Variants in CSMD3 observed in about 807,000 individuals in gnomAD.
CSMD3 encodes the protein CUB and Sushi multiple domains 3, also known as CUB and sushi domain-containing protein 3.
Under a neutral mutation model 435.2 loss-of-function variants are expected in CSMD3, and 177 were observed. That is an observed-to-expected ratio of 0.41 (90% CI 0.36 to 0.46). CSMD3 has a LOEUF of 0.46. Ranked by LOEUF, CSMD3 falls within the 20% of genes least tolerant of loss-of-function variation. CSMD3 has a pLI of 0.34. For missense variants in CSMD3, 4,265 were observed against 4,504.6 expected (o/e 0.95, Z 1.52); for synonymous variants, 1,656 against 1,520.5 (o/e 1.09, Z -2.07).
At chr8:112,699,650 A>G (rs905712769) in intron 13 of CSMD3, among the ~76,000 whole-genome samples, 1 of 152,216 alleles carries the variant, frequency 6.6e-6, no homozygotes, top group African/African-American at 2.4e-5. Context: ...TAATGATCGC[A>G]TAGGACGTAT....
At chr8:113,018,231 T>G in intron 6 of CSMD3, among the ~76,000 whole-genome samples, 1 of 152,046 alleles carries the variant, frequency 6.6e-6, no homozygotes, top group East Asian at 1.9e-4. Context: ...AATTAATTGT[T>G]GAATTTTGTA....
intron 11 of CSMD3, among the ~76,000 whole-genome samples, chr8:112,841,793 C>A (rs1010854700): frequency 2.0e-5 from 3 of 151,744 alleles, no homozygotes; most frequent in African/African-American, 7.3e-5. Context: ...AAAGGTGGAA[C>A]TACTACATCC....
At chr8:113,360,676 C>T (rs1294057634) in intron 1 of CSMD3, among the ~76,000 whole-genome samples, 1 of 149,886 alleles carries the variant, frequency 6.7e-6, no homozygotes, top group Admixed American at 6.7e-5. Context: ...CGGGTTCACG[C>T]CATTCTCCTG....
chr8:113,115,760 T>A (rs557582505), intron 4 of CSMD3, among the ~76,000 whole-genome samples: 152 of 152,328 alleles, frequency 1.0e-3, no homozygotes, highest in Admixed American at 2.7e-3. Flanking sequence ...TGTGAGTAAA[T>A]GTCTAATAAT....
chr8:112,298,401 G>A (rs1820552757), intron 53 of CSMD3, among the ~76,000 whole-genome samples: 1 of 151,952 alleles, frequency 6.6e-6, no homozygotes, highest in African/African-American at 2.4e-5. Context: ...GTAACACATA[G>A]GAATTAAAAA....
chr8:112,947,379 AG>A (rs1328835299), intron 9 of CSMD3, among the ~76,000 whole-genome samples: 1 of 151,732 alleles, frequency 6.6e-6, no homozygotes, highest in Non-Finnish European at 1.5e-5. Flanking sequence ...AAGGTTTTAC[AG>A]GAATTGCCTC....
chr8:112,279,946 T>G (rs2130565203), intron 59 of CSMD3, among the ~76,000 whole-genome samples: 1 of 152,242 alleles, frequency 6.6e-6, no homozygotes, highest in Middle Eastern at 3.4e-3. Flanking sequence ...GCACACAAAC[T>G]TTGCATGCAA....
intron 13 of CSMD3, among the ~76,000 whole-genome samples, chr8:112,757,662 T>C (rs2077732094): frequency 6.6e-6 from 1 of 152,150 alleles, no homozygotes; most frequent in Non-Finnish European, 1.5e-5. Flanking sequence ...TCAGTATTTT[T>C]CTCTTATGCA....
At chr8:112,607,810 A>T (rs1234534131) in intron 22 of CSMD3, among the ~76,000 whole-genome samples, 1 of 152,148 alleles carries the variant, frequency 6.6e-6, no homozygotes, top group Non-Finnish European at 1.5e-5. Flanking sequence ...GAATGCACCT[A>T]AACACAATAA....
intron 59 of CSMD3, among the ~76,000 whole-genome samples, chr8:112,278,213 C>A (rs2130548508): frequency 6.6e-6 from 1 of 152,236 alleles, no homozygotes; most frequent in South Asian, 2.1e-4. Flanking sequence ...ACCTGAGGGA[C>A]TTTTTTGTTG....
At chr8:113,173,985 A>G (rs2131893069) in intron 3 of CSMD3, 69 bp from the exon 4 acceptor site, 1 of 1,101,482 alleles carries the variant, frequency 9.1e-7, no homozygotes, top group Non-Finnish European at 1.4e-6. Flanking sequence ...TAGATGTATA[A>G]AATTATATAT....
At chr8:112,612,899 TTATTA>T (rs1833377837) in intron 22 of CSMD3, among the ~76,000 whole-genome samples, 1 of 94,360 alleles carries the variant, frequency 1.1e-5, no homozygotes, top group South Asian at 3.7e-4. Context: ...CTAATTATTA[TTATTA>T]TTTTTTTTTT....
chr8:112,675,577 C>T (rs2075754155), intron 16 of CSMD3, among the ~76,000 whole-genome samples: 1 of 152,042 alleles, frequency 6.6e-6, no homozygotes, highest in African/African-American at 2.4e-5. Flanking sequence ...TACATCAGAG[C>T]CTTCTGAGAC....
intron 50 of CSMD3, among the ~76,000 whole-genome samples, chr8:112,306,624 AT>A (rs1821445170): frequency 1.3e-5 from 2 of 152,204 alleles, no homozygotes; most frequent in Non-Finnish European, 2.9e-5. Flanking sequence ...AATATGAATC[AT>A]AATTTTGGTC....
chr8:113,132,932 T>C (rs773426862), intron 4 of CSMD3, among the ~76,000 whole-genome samples: 1 of 152,146 alleles, frequency 6.6e-6, no homozygotes, highest in Non-Finnish European at 1.5e-5. Flanking sequence ...TAGGATTTCT[T>C]ACAAAGAAAA....
At chr8:112,306,959 T>C (rs1384154740) in intron 50 of CSMD3, among the ~76,000 whole-genome samples, 3 of 151,888 alleles carry the variant, frequency 2.0e-5, no homozygotes, top group Non-Finnish European at 4.4e-5. Context: ...TTTAAAAGGC[T>C]ACAGAAAAAT....
At chr8:113,034,747 T>A (rs2087267335) in intron 5 of CSMD3, among the ~76,000 whole-genome samples, 1 of 152,038 alleles carries the variant, frequency 6.6e-6, no homozygotes, top group Admixed American at 6.5e-5. Flanking sequence ...AAATAGAGAA[T>A]ATACCATGCA....
intron 11 of CSMD3, among the ~76,000 whole-genome samples, 196 bp downstream of exon 11, chr8:112,858,949 G>A (rs1368221008): frequency 2.6e-5 from 4 of 151,754 alleles, no homozygotes; most frequent in African/African-American, 9.7e-5. Context: ...TTAGTAGCTT[G>A]GAGTAGAATT....
intron 13 of CSMD3, among the ~76,000 whole-genome samples, chr8:112,699,173 C>A (rs2076328404): frequency 6.6e-6 from 1 of 152,152 alleles, no homozygotes; most frequent in African/African-American, 2.4e-5. Context: ...GATAATAAAT[C>A]TTGCTGCTGC....
Sources: gnomAD v4.1 joint callset for allele counts (sites outside exome capture counted in the v4.1 genomes callset) on GRCh38, gnomAD v4.1.1 for gene constraint, MANE v1.5 for transcripts, NCBI Gene and HGNC (gene_info 2026-07-23, HGNC 2026-07-21) for gene names.